Variants in PIK3CB observed in about 807,000 individuals in gnomAD.
The protein encoded by PIK3CB is phosphatidylinositol-4,5-bisphosphate 3-kinase catalytic subunit beta.
Under a neutral mutation model 136.8 loss-of-function variants are expected in PIK3CB, and 39 were observed. The observed-to-expected ratio is 0.29, with a 90% CI of 0.22 to 0.37. The LOEUF (loss-of-function observed/expected upper bound fraction) is 0.37. Ranked by LOEUF, PIK3CB falls within the 10% of genes least tolerant of loss-of-function variation. The probability of loss-of-function intolerance (pLI) is 1.00; values close to 1 mark genes in which losing one functional copy is unlikely to be tolerated. For synonymous variants in PIK3CB, 428 were observed against 436.6 expected, an observed-to-expected ratio of 0.98 and a Z score of 0.25; for missense variants, 868 against 1,275.4, an observed-to-expected ratio of 0.68 and a Z score of 4.87.
intron 8 of PIK3CB, among the ~76,000 whole-genome samples, chr3:138,728,330 A>G (rs1375364770): frequency 6.6e-6 from 1 of 152,232 alleles, no homozygotes; most frequent in African/African-American, 2.4e-5. Context: ...ACAAGTCAAG[A>G]ACACACCAAT....
chr3:138,674,256 T>C (rs1389157023), intron 19 of PIK3CB, among the ~76,000 whole-genome samples: 1 of 151,942 alleles, frequency 6.6e-6, no homozygotes, highest in Non-Finnish European at 1.5e-5. Flanking sequence ...CTCTCAACTA[T>C]GGCTAACTTT....
At chr3:138,781,210 C>T (rs534622394) in intron 2 of PIK3CB, among the ~76,000 whole-genome samples, 46 of 151,432 alleles carry the variant, frequency 3.0e-4, no homozygotes, top group African/African-American at 1.1e-3. Context: ...GAGAATTGCT[C>T]GAGCCCAGTA....
intron 14 of PIK3CB, among the ~76,000 whole-genome samples, chr3:138,691,931 A>C (rs1378972622): frequency 6.6e-6 from 1 of 152,220 alleles, no homozygotes; most frequent in African/African-American, 2.4e-5. Flanking sequence ...CTTTGCTGTT[A>C]TTAGGGTTAA....
chr3:138,793,450 AC>A (rs2046075592), intron 2 of PIK3CB, among the ~76,000 whole-genome samples: 1 of 152,022 alleles, frequency 6.6e-6, no homozygotes, highest in South Asian at 2.1e-4. Flanking sequence ...TAATAAAAAT[AC>A]AAAAATCAGT....
At chr3:138,795,991 C>T (rs1469323335) in intron 2 of PIK3CB, among the ~76,000 whole-genome samples, 1 of 152,138 alleles carries the variant, frequency 6.6e-6, no homozygotes, top group Non-Finnish European at 1.5e-5. Flanking sequence ...CTGTTCTTAA[C>T]TCTGTAGGAA....
At position 138,654,661 on chromosome 3, in the gene PIK3CB, G is replaced by A. The variant is rs904638945; in HGVS notation, c.*728C>T. ...GAAAAGTAACTTAGGAAAAAGCTCT[G>A]CTTTTTGTAAAACTTTAAATCACAG... On this transcript the variant is annotated 3_prime_UTR_variant, in exon 24 of 24. Coordinates refer to ENST00000674063, the MANE Select transcript of PIK3CB (RefSeq NM_006219.3). The A allele has an allele frequency of 1.3e-5, 3 of 223,102 alleles. No individual in the cohort carries two copies. In the East Asian group the frequency reaches 2.0e-4, roughly 15 times the overall value. 13.8% of individuals were successfully genotyped at this position (223,102 alleles called of 1,614,324 possible).
chr3:138,825,058 C>A, intron 1 of PIK3CB: 1 of 239,648 alleles, frequency 4.2e-6, no homozygotes, highest in South Asian at 7.7e-5. Context: ...GAGACCCTGT[C>A]AAAAAAAAGA....
At chr3:138,655,651 CTTAT>C (rs1472941901) in intron 23 of PIK3CB, 125 bp from the exon 24 acceptor site, 27 of 703,654 alleles carry the variant, frequency 3.8e-5, no homozygotes, top group Non-Finnish European at 6.4e-5. Context: ...GCTTCATGTT[CTTAT>C]TTAAATATCA....
chr3:138,676,782 T>C (rs1699694037), intron 19 of PIK3CB, among the ~76,000 whole-genome samples: 1 of 152,068 alleles, frequency 6.6e-6, no homozygotes, highest in African/African-American at 2.4e-5. Flanking sequence ...ATATAAAATG[T>C]CCAAAAAAGG....
intron 4 of PIK3CB, among the ~76,000 whole-genome samples, chr3:138,752,988 T>G (rs1242301768): frequency 1.3e-5 from 2 of 152,060 alleles, no homozygotes; most frequent in Non-Finnish European, 2.9e-5. Context: ...GGAGGTAAAT[T>G]TCAGAGAGAT....
chr3:138,781,957 C>T (rs970162318), intron 2 of PIK3CB, among the ~76,000 whole-genome samples: 23 of 152,176 alleles, frequency 1.5e-4, no homozygotes, highest in African/African-American at 5.1e-4. Context: ...ATTCCTATTA[C>T]CCAACTTTGG....
At chr3:138,671,641 C>T (rs781587437) in intron 19 of PIK3CB, among the ~76,000 whole-genome samples, 10 of 152,190 alleles carry the variant, frequency 6.6e-5, no homozygotes, top group East Asian at 1.9e-4. Flanking sequence ...GATCTGGACC[C>T]GACAAAGAAC....
At chr3:138,696,810 G>C (rs571342506) in intron 13 of PIK3CB, among the ~76,000 whole-genome samples, 1 of 152,254 alleles carries the variant, frequency 6.6e-6, no homozygotes, top group South Asian at 2.1e-4. Context: ...TTTATGAGCA[G>C]AAGAGTTGGG....
intron 16 of PIK3CB, 57 bp downstream of exon 16, chr3:138,688,818 G>C: frequency 9.8e-7 from 1 of 1,021,010 alleles, no homozygotes; most frequent in African/African-American, 1.6e-5. Context: ...TGATATTCAT[G>C]CTTTAAACGT....
intron 1 of PIK3CB, among the ~76,000 whole-genome samples, chr3:138,827,821 A>T (rs1559894503): frequency 6.7e-6 from 1 of 149,534 alleles, no homozygotes; most frequent in Non-Finnish European, 1.5e-5. Context: ...CTACTAAAAA[A>T]ATACAAAAAA....
At chr3:138,792,896 G>C (rs2046068629) in intron 2 of PIK3CB, among the ~76,000 whole-genome samples, 1 of 152,116 alleles carries the variant, frequency 6.6e-6, no homozygotes, top group African/African-American at 2.4e-5. Flanking sequence ...TCCTGCCTCA[G>C]CTTCCTCAGT....
At chr3:138,683,868 G>A in intron 17 of PIK3CB, 81 bp from the exon 18 acceptor site, 1 of 777,310 alleles carries the variant, frequency 1.3e-6, no homozygotes, top group South Asian at 1.5e-5. Flanking sequence ...TACTAGGCTT[G>A]GGAAAACTCC....
chr3:138,814,744 G>A (rs1405806741), intron 1 of PIK3CB, among the ~76,000 whole-genome samples: 1 of 152,050 alleles, frequency 6.6e-6, no homozygotes, highest in African/African-American at 2.4e-5. Flanking sequence ...GCTCACACCT[G>A]TAATCCCAGC....
intron 4 of PIK3CB, among the ~76,000 whole-genome samples, chr3:138,751,430 C>T (rs180919344): frequency 6.6e-6 from 1 of 151,722 alleles, no homozygotes; most frequent in East Asian, 1.9e-4. Context: ...TGCACTCCAG[C>T]CTGGGCGATA....
Sources: gnomAD v4.1 joint callset for allele counts (sites outside exome capture counted in the v4.1 genomes callset) on GRCh38, gnomAD v4.1.1 for gene constraint, MANE v1.5 for transcripts, NCBI Gene and HGNC (gene_info 2026-07-23, HGNC 2026-07-21) for gene names.